ABCA13: variants seen among roughly 807,000 people sequenced by gnomAD.
ABCA13 encodes ATP-binding cassette sub-family A member 13.
Under a neutral mutation model 478.7 loss-of-function variants are expected in ABCA13, and 476 were observed. That is an observed-to-expected ratio of 0.99 (90% confidence interval 0.92 to 1.07). The LOEUF (loss-of-function observed/expected upper bound fraction) is 1.07. Ranked by LOEUF, ABCA13 falls within the 50% of genes least tolerant of loss-of-function variation. The probability of loss-of-function intolerance (pLI) is 0.00; values close to 1 mark genes in which losing one functional copy is unlikely to be tolerated. For missense variants in ABCA13, 6,060 were observed against 5,910.6 expected (o/e 1.03, Z -0.83); for synonymous variants, 2,252 against 2,158.9 (o/e 1.04, Z -1.20).
At chr7:48,519,699 C>CT (rs1363556069) in intron 52 of ABCA13, among the ~76,000 whole-genome samples, 1 of 152,122 alleles carries the variant, frequency 6.6e-6, no homozygotes, top group Non-Finnish European at 1.5e-5. Flanking sequence ...CACCTGCATC[C>CT]CCCTTCTATG....
chr7:48,375,286 A>T (rs1456222737), intron 34 of ABCA13, among the ~76,000 whole-genome samples: 1 of 152,132 alleles, frequency 6.6e-6, no homozygotes, highest in African/African-American at 2.4e-5. Context: ...ACTGTGTTAG[A>T]TGATTGTTGA....
At chr7:48,360,831 A>G (rs1235180271) in intron 31 of ABCA13, among the ~76,000 whole-genome samples, 1 of 151,994 alleles carries the variant, frequency 6.6e-6, no homozygotes, top group East Asian at 1.9e-4. Flanking sequence ...TAGTAGGGAA[A>G]GATGTAGTCC....
intron 59 of ABCA13, among the ~76,000 whole-genome samples, chr7:48,629,525 A>G (rs987931390): frequency 7.6e-6 from 1 of 131,000 alleles, no homozygotes; most frequent in African/African-American, 2.9e-5. Context: ...TTTTCATTCC[A>G]TTTTTATAAA....
chr7:48,366,507 G>A (rs1197845226), intron 31 of ABCA13, among the ~76,000 whole-genome samples: 1 of 152,090 alleles, frequency 6.6e-6, no homozygotes, highest in Non-Finnish European at 1.5e-5. Context: ...CTGTGAAGAA[G>A]AGAAATTTAT....
At chr7:48,620,762 A>G (rs1793058741) in intron 59 of ABCA13, among the ~76,000 whole-genome samples, 1 of 152,128 alleles carries the variant, frequency 6.6e-6, no homozygotes, top group Non-Finnish European at 1.5e-5. Flanking sequence ...AGTGGCTAAG[A>G]GGAGGCAGGT....
intron 41 of ABCA13, among the ~76,000 whole-genome samples, chr7:48,415,453 TATTC>T (rs2129104942): frequency 6.6e-6 from 1 of 152,302 alleles, no homozygotes; most frequent in South Asian, 2.1e-4. Context: ...AAATTGAACA[TATTC>T]ATAAGCTCAC....
rs908384447 is a variant in ABCA13 at position 48,276,181 on chromosome 7, TA to T, written c.6521del (p.Asn2174IlefsTer17). The part of the protein sequence containing the change: ...AKAIATFWGS[L>X]KNISRAGNFD... ...GCTATTGCTACTTTTTGGGGCTCTT[TA>T]AAAAATATATCTAGAGCAGGCAATT... is the stretch of plus-strand genomic sequence containing the variant. On this transcript the variant is annotated frameshift_variant, in exon 17 of 62. Transcript: ENST00000435803. LOFTEE classifies it high-confidence loss of function. 1 of 1,591,356 alleles carries T rather than the reference TA, an allele frequency of 6.3e-7. No homozygotes were observed.
chr7:48,347,960 G>A (rs1808362847), intron 29 of ABCA13, among the ~76,000 whole-genome samples: 1 of 152,178 alleles, frequency 6.6e-6, no homozygotes, highest in African/African-American at 2.4e-5. Context: ...TAAAGAGGGC[G>A]AGGATTATTC....
intron 23 of ABCA13, among the ~76,000 whole-genome samples, chr7:48,305,339 C>T (rs1244342697): frequency 4.6e-5 from 7 of 152,202 alleles, no homozygotes; most frequent in African/African-American, 1.2e-4. Flanking sequence ...TTCTCCTGCC[C>T]TCCGATGCTC....
intron 11 of ABCA13, 61 bp downstream of exon 11, chr7:48,244,764 G>T: frequency 1.3e-6 from 2 of 1,520,766 alleles, no homozygotes; most frequent in Non-Finnish European, 1.8e-6. Flanking sequence ...AAATTTATTG[G>T]AAAATGGACT....
At chr7:48,519,173 C>A (rs1563384937) in intron 52 of ABCA13, among the ~76,000 whole-genome samples, 1 of 152,130 alleles carries the variant, frequency 6.6e-6, no homozygotes, top group Non-Finnish European at 1.5e-5. Context: ...GCATTGTATT[C>A]TATGGTGTAT....
Position 48,223,958 on chromosome 7 carries a change from CAAA to C in ABCA13, c.468+2666_468+2668del, listed in dbSNP as rs1197606657. On this transcript the variant is annotated intron_variant, in intron 5 of 61. Coordinates refer to ENST00000435803, the MANE Select transcript of ABCA13 (RefSeq NM_152701.5). ...TGGGTGACAGAGCAAGACTCGGTCT[CAAA>C]AAAAAAAAAAAAAAAAGAGAGAGAG... Among the ~76,000 whole-genome samples, 681 of 78,618 alleles carry C rather than the reference CAAA, an allele frequency of 8.7e-3. 10 individuals carry two copies. The highest frequency in any genetic ancestry group is 0.024 in the African/African-American group (631 of 25,882). The allele number at this position is 78,618 out of a possible 152,430, so 51.6% of individuals were successfully genotyped here.
intron 3 of ABCA13, among the ~76,000 whole-genome samples, chr7:48,203,516 T>C (rs1477335223): frequency 6.6e-6 from 1 of 152,236 alleles, no homozygotes; most frequent in Non-Finnish European, 1.5e-5. Flanking sequence ...CTCAGGTAAG[T>C]TCACTTTGGG....
At chr7:48,376,095 C>A (rs1341252937) in intron 34 of ABCA13, among the ~76,000 whole-genome samples, 2 of 152,054 alleles carry the variant, frequency 1.3e-5, no homozygotes, top group East Asian at 3.8e-4. Flanking sequence ...TTTGGGTTCT[C>A]AAGGAGACTT....
rs1796268416 is a variant in ABCA13, at chr7:48,185,743, T to TG, written c.70-7215dup. Among the ~76,000 whole-genome samples, 2 of 152,152 alleles carry TG rather than the reference T, an allele frequency of 1.3e-5. 1 individual carries two copies. The highest frequency in any genetic ancestry group is 4.1e-4 in the South Asian group (2 of 4,834). On this transcript the variant is annotated intron_variant, in intron 1 of 61. Coordinates refer to ENST00000435803, the MANE Select transcript of ABCA13 (RefSeq NM_152701.5). ...AAAAACACTTTTTTTGATTAATACT[T>TG]GCTGTTGTAGAAAGTTATTGAGGTA...
At chr7:48,247,138 T>C (rs1277318108) in intron 13 of ABCA13, among the ~76,000 whole-genome samples, 4 of 151,882 alleles carry the variant, frequency 2.6e-5, no homozygotes, top group Admixed American at 6.6e-5. Flanking sequence ...CTCAGGAGGC[T>C]GAGGTGGGAG....
intron 3 of ABCA13, among the ~76,000 whole-genome samples, chr7:48,200,798 T>C (rs1350066663): frequency 1.3e-5 from 2 of 152,294 alleles, no homozygotes; most frequent in South Asian, 2.1e-4. Context: ...GTGGATTCAA[T>C]TGAAGTTCAA....
chr7:48,408,255 G>A (rs926177229), intron 39 of ABCA13, among the ~76,000 whole-genome samples: 3 of 151,972 alleles, frequency 2.0e-5, no homozygotes, highest in Non-Finnish European at 4.4e-5. Context: ...TCCCTGCCCC[G>A]CCAGCTCCTG....
intron 48 of ABCA13, among the ~76,000 whole-genome samples, chr7:48,492,925 C>A (rs988063424): frequency 1.3e-5 from 2 of 152,020 alleles, no homozygotes; most frequent in South Asian, 4.2e-4. Context: ...ACTTGGGAGG[C>A]TGAGGCAGGA....
Sources: gnomAD v4.1 joint callset for allele counts (sites outside exome capture counted in the v4.1 genomes callset) on GRCh38, gnomAD v4.1.1 for gene constraint, MANE v1.5 for transcripts, NCBI Gene and HGNC (gene_info 2026-07-23, HGNC 2026-07-21) for gene names.